TP63: variants seen among roughly 807,000 people sequenced by gnomAD.
TP63 encodes the protein tumor protein p63, also known as tumor protein 63.
TP63 carries 17 observed loss-of-function variants against 82.8 expected under a neutral mutation model. That is an observed-to-expected ratio of 0.21 (90% confidence interval 0.14 to 0.31). The LOEUF is 0.31. Among genes scored for constraint, TP63 ranks in the 10% least tolerant of loss-of-function variants. The probability of loss-of-function intolerance (pLI) is 1.00; values close to 1 mark genes in which losing one functional copy is unlikely to be tolerated. For missense variants in TP63, 648 were observed against 895.3 expected, an observed-to-expected ratio of 0.72 and a Z score of 3.52; for synonymous variants, 330 against 321.7, an observed-to-expected ratio of 1.03 and a Z score of -0.28.
intron 1 of TP63, among the ~76,000 whole-genome samples, chr3:189,649,546 T>C (rs1223784855): frequency 6.8e-6 from 1 of 146,712 alleles, no homozygotes; most frequent in Non-Finnish European, 1.5e-5. Context: ...ACCTGGATGA[T>C]GAAATAATAT....
rs147432693 is a variant in TP63 at position 189,807,125 on chromosome 3, C to T, written c.325-1147C>T. On this transcript the variant is annotated intron_variant, in intron 3 of 13. Transcript: ENST00000264731. The stretch of plus-strand genomic sequence containing the variant: ...TTGATGAAACAAGATTTCTATGTGT[C>T]GGAAGGTTTTACAAAGGAAAAGCAA... Among the ~76,000 whole-genome samples the T allele has an allele frequency of 6.9e-3, 1,050 of 152,088 alleles. 8 individuals are homozygous for T. The highest frequency in any genetic ancestry group is 0.024 in the African/African-American group (1,007 of 41,500).
Position 189,669,031 on chromosome 3 carries a change from A to C in TP63, c.62+37454A>C, listed in dbSNP as rs142452794. 2.8e-3 allele frequency among the ~76,000 whole-genome samples: 420 copies of C among 150,278 alleles called. 6 individuals carry two copies. Among genetic ancestry groups the C allele is most frequent in the African/African-American group, 2.7e-3 (112 of 41,110 alleles). On this transcript the variant is annotated intron_variant, in intron 1 of 13. Coordinates refer to ENST00000264731, the MANE Select transcript of TP63 (RefSeq NM_003722.5). ...AAAGATGAAAGAAACCAAAAAAAAA[A>C]CCTTAAAATCCACCAGAGAAAGCAG... is the stretch of plus-strand genomic sequence containing the variant.
chr3:189,705,810 A>G (rs1718155940), intron 1 of TP63, among the ~76,000 whole-genome samples: 1 of 152,196 alleles, frequency 6.6e-6, no homozygotes, highest in Non-Finnish European at 1.5e-5. Context: ...ACACTGGCCT[A>G]GACCTGAAAG....
At chr3:189,692,181 T>C (rs1716988220) in intron 1 of TP63, among the ~76,000 whole-genome samples, 1 of 152,206 alleles carries the variant, frequency 6.6e-6, no homozygotes. Flanking sequence ...TACACACCAG[T>C]ATTCTCTTCT....
At chr3:189,840,059 C>T (rs2108737208) in intron 4 of TP63, among the ~76,000 whole-genome samples, 1 of 152,264 alleles carries the variant, frequency 6.6e-6, no homozygotes, top group South Asian at 2.1e-4. Flanking sequence ...AAGAACTTAG[C>T]GAAGTGCCTA....
chr3:189,642,554 T>G (rs1711990094), intron 1 of TP63, among the ~76,000 whole-genome samples: 1 of 152,160 alleles, frequency 6.6e-6, no homozygotes, highest in African/African-American at 2.4e-5. Flanking sequence ...CTATTTTTTT[T>G]TTCATGTATA....
chr3:189,789,354 C>T (rs919314770), intron 3 of TP63, among the ~76,000 whole-genome samples: 6 of 151,884 alleles, frequency 4.0e-5, no homozygotes, highest in Admixed American at 6.6e-5. Flanking sequence ...TTCTGTAAAT[C>T]GTGGTGGTGG....
At chr3:189,855,584 A>C (rs1036271347) in intron 4 of TP63, among the ~76,000 whole-genome samples, 5 of 152,128 alleles carry the variant, frequency 3.3e-5, no homozygotes, top group Non-Finnish European at 7.4e-5. Flanking sequence ...TCCCTTTTTA[A>C]TACTGTGACA....
At chr3:189,883,772 C>T (rs1461074045) in intron 10 of TP63, among the ~76,000 whole-genome samples, 1 of 152,040 alleles carries the variant, frequency 6.6e-6, no homozygotes, top group African/African-American at 2.4e-5. Flanking sequence ...AATCCATGTT[C>T]CTTCTTTCTT....
At chr3:189,719,933 A>G (rs1266442071) in intron 1 of TP63, among the ~76,000 whole-genome samples, 2 of 152,186 alleles carry the variant, frequency 1.3e-5, no homozygotes, top group Non-Finnish European at 2.9e-5. Context: ...AAGGATTTTT[A>G]TTCATTTAAT....
chr3:189,600,621 T>C, the TP63 span, among the ~76,000 whole-genome samples: 135 of 152,292 alleles, frequency 8.9e-4, 1 homozygote, highest in African/African-American at 3.2e-3. Flanking sequence ...CTACTGCCTC[T>C]TTATACTGTT....
At chr3:189,826,964 G>A (rs1711528103) in intron 4 of TP63, among the ~76,000 whole-genome samples, 1 of 152,140 alleles carries the variant, frequency 6.6e-6, no homozygotes, top group Non-Finnish European at 1.5e-5. Context: ...GGTTGACTAG[G>A]CAAGTGACCT....
At chr3:189,790,885 C>T (rs911368276) in intron 3 of TP63, among the ~76,000 whole-genome samples, 4 of 152,100 alleles carry the variant, frequency 2.6e-5, no homozygotes, top group Non-Finnish European at 4.4e-5. Context: ...CAGAGGGCTG[C>T]GAAGCAGGGC....
rs115180116 is a variant in TP63 at position 189,832,983 on chromosome 3, G to T, written c.579+24457G>T. 1.9e-3 allele frequency among the ~76,000 whole-genome samples: 282 copies of T among 152,274 alleles called. 1 individual carries two copies. Among genetic ancestry groups the T allele is most frequent in the African/African-American group, 6.7e-3 (277 of 41,570 alleles). ...TTTTTGCCTGTCCAAATTTAAGCAC[G>T]TTTAATGAGATAAAGAGAGCAGAGG... On this transcript the variant is annotated intron_variant, in intron 4 of 13. Coordinates refer to ENST00000264731, the MANE Select transcript of TP63 (RefSeq NM_003722.5).
At chr3:189,806,873 C>A (rs1726972429) in intron 3 of TP63, among the ~76,000 whole-genome samples, 1 of 151,892 alleles carries the variant, frequency 6.6e-6, no homozygotes, top group African/African-American at 2.4e-5. Flanking sequence ...ACTTCTCCTC[C>A]CCCTGTGGAA....
intron 3 of TP63, among the ~76,000 whole-genome samples, chr3:189,768,307 G>C (rs1204893469): frequency 6.6e-6 from 1 of 151,954 alleles, no homozygotes; most frequent in Non-Finnish European, 1.5e-5. Flanking sequence ...TGAACACAAG[G>C]GGCTGTTTTA....
rs1160275146 is a variant in TP63 at position 189,701,512 on chromosome 3, G to GAT, written c.63-36220_63-36219dup. ...GAACTGATTTTCAGTAATGTGAGGA[G>GAT]ATATATATACATATATATATATATA... On this transcript the variant is annotated intron_variant, in intron 1 of 13. Coordinates refer to ENST00000264731, the MANE Select transcript of TP63 (RefSeq NM_003722.5). Among the ~76,000 whole-genome samples the GAT allele has an allele frequency of 2.9e-5, 3 of 103,220 alleles. No individual in the cohort carries two copies. In the South Asian group the frequency reaches 9.6e-4, roughly 33 times the overall value. 67.7% of individuals were successfully genotyped at this position (103,220 alleles called of 152,430 possible). A position where few individuals can be genotyped will look rare whatever the true frequency, so the allele number is the denominator to read the frequency against.
intron 3 of TP63, among the ~76,000 whole-genome samples, chr3:189,791,330 A>C (rs1725117560): frequency 6.6e-6 from 1 of 152,154 alleles, no homozygotes; most frequent in South Asian, 2.1e-4. Flanking sequence ...CACAAGGTTG[A>C]TGTAAAGTGG....
intron 4 of TP63, among the ~76,000 whole-genome samples, chr3:189,836,715 C>G (rs16864826): frequency 1.7e-3 from 258 of 152,224 alleles, no homozygotes; most frequent in African/African-American, 5.9e-3. Context: ...CCTACTCTTC[C>G]TCTTCAGTGT....
Sources: gnomAD v4.1 joint callset for allele counts (sites outside exome capture counted in the v4.1 genomes callset) on GRCh38, gnomAD v4.1.1 for gene constraint, MANE v1.5 for transcripts, NCBI Gene and HGNC (gene_info 2026-07-23, HGNC 2026-07-21) for gene names.